The following HMG20A variants were observed in gnomAD, a reference collection of about 807,000 sequenced individuals.
The protein encoded by HMG20A is high mobility group protein 20A.
HMG20A carries 17 observed loss-of-function variants against 43.9 expected under a neutral mutation model. The observed-to-expected ratio is 0.39, with a 90% confidence interval of 0.27 to 0.58. The LOEUF is 0.58. Among genes scored for constraint, HMG20A ranks in the 20% least tolerant of loss-of-function variants. HMG20A has a pLI of 0.59. For synonymous variants in HMG20A, 132 were observed against 147.5 expected (o/e 0.89, Z 0.76); for missense variants, 341 against 438.2 (o/e 0.78, Z 1.98).
chr15:77,429,476 T>A (rs953380554), intron 1 of HMG20A, among the ~76,000 whole-genome samples: 2 of 152,202 alleles, frequency 1.3e-5, no homozygotes, highest in Admixed American at 1.3e-4. Context: ...GTTCTCTTGA[T>A]ACAAACCTTC....
At chr15:77,493,373 G>T in the HMG20A span, among the ~76,000 whole-genome samples, 1 of 152,142 alleles carries the variant, frequency 6.6e-6, no homozygotes, top group Non-Finnish European at 1.5e-5. Context: ...TGGGGATTTA[G>T]AGGAGCTGAA....
At chr15:77,496,719 G>A in the HMG20A span, among the ~76,000 whole-genome samples, 3 of 152,132 alleles carry the variant, frequency 2.0e-5, no homozygotes, top group African/African-American at 7.2e-5. Context: ...ACCAGAGGTG[G>A]TCCCGCCAAG....
At chr15:77,425,701 A>G (rs1183572530) in intron 1 of HMG20A, among the ~76,000 whole-genome samples, 1 of 152,180 alleles carries the variant, frequency 6.6e-6, no homozygotes, top group Non-Finnish European at 1.5e-5. Context: ...TGTGAGAGAT[A>G]CCCTCTGCTA....
intron 1 of HMG20A, among the ~76,000 whole-genome samples, chr15:77,437,049 TAAG>T (rs1386604822): frequency 6.6e-6 from 1 of 152,188 alleles, no homozygotes; most frequent in African/African-American, 2.4e-5. Flanking sequence ...TGGGTCCTAA[TAAG>T]CTAATTCCTC....
Position 77,478,453 on chromosome 15 carries a change from C to T in HMG20A, c.850C>T (p.His284Tyr), listed in dbSNP as rs1276076928. The T allele has an allele frequency of 6.2e-7, 1 of 1,612,178 alleles. No individual in the cohort carries two copies. Among genetic ancestry groups the T allele is most frequent in the Admixed American group, 1.7e-5 (1 of 60,010 alleles). Residue 284 changes from histidine to tyrosine, a missense_variant, in exon 8 of 10, where the codon CAC becomes TAC. Physicochemically the swap from His to Tyr is moderately conservative, Grantham distance 83. Around this residue, in one of 3 missense-constraint regions of HMG20A, gnomAD observed 118 missense variants for 154.5 expected, o/e 0.76. Transcript: ENST00000336216. ...ERSRNTVLQQ[H>Y]LETLRQVLTS... is the part of the protein sequence containing the mutation. ...GAGCCGCAACACAGTCTTACAGCAG[C>T]ACCTGGAGACCCTGCGGCAGGTGCT...
At chr15:77,498,526 C>G in the HMG20A span, among the ~76,000 whole-genome samples, 32 of 152,318 alleles carry the variant, frequency 2.1e-4, no homozygotes, top group African/African-American at 7.7e-4. Flanking sequence ...GCACCTCTGG[C>G]CCTGCTTCCC....
At chr15:77,458,548 C>A in intron 2 of HMG20A, 52 bp downstream of exon 2, 1 of 1,244,380 alleles carries the variant, frequency 8.0e-7, no homozygotes, top group Non-Finnish European at 1.2e-6. Context: ...CAAAACAAAG[C>A]TTCTAGCAAA....
intron 1 of HMG20A, among the ~76,000 whole-genome samples, chr15:77,426,748 G>C (rs183890151): frequency 6.6e-6 from 1 of 152,226 alleles, no homozygotes; most frequent in Admixed American, 6.5e-5. Context: ...TAGACTTGAA[G>C]AATAGAGAAT....
chr15:77,505,586 G>A, the HMG20A span, among the ~76,000 whole-genome samples: 2 of 152,186 alleles, frequency 1.3e-5, no homozygotes, highest in Admixed American at 6.5e-5. Context: ...CTGCTTCTCC[G>A]CATGTTCAAG....
chr15:77,438,788 T>G (rs1267079309), intron 1 of HMG20A, among the ~76,000 whole-genome samples: 9 of 152,044 alleles, frequency 5.9e-5, no homozygotes, highest in Admixed American at 5.9e-4. Flanking sequence ...AGAGAAAATG[T>G]TTTCAAGTTT....
At chr15:77,477,775 T>C in intron 7 of HMG20A, 145 bp downstream of exon 7, 1 of 602,964 alleles carries the variant, frequency 1.7e-6, no homozygotes, top group South Asian at 2.2e-5. Context: ...TAGGGCATTG[T>C]TGTCAAAGCT....
intron 1 of HMG20A, among the ~76,000 whole-genome samples, chr15:77,426,765 T>C (rs557134727): frequency 6.6e-6 from 1 of 152,198 alleles, no homozygotes; most frequent in Non-Finnish European, 1.5e-5. Flanking sequence ...GAATTTTGAA[T>C]GGAGCCAGAA....
chr15:77,431,336 C>G (rs923981466), intron 1 of HMG20A, among the ~76,000 whole-genome samples: 1 of 152,198 alleles, frequency 6.6e-6, no homozygotes, highest in East Asian at 1.9e-4. Context: ...CTCAGCCTTC[C>G]AAGTAGCTGG....
At chr15:77,518,072 C>A in the HMG20A span, among the ~76,000 whole-genome samples, 3 of 152,212 alleles carry the variant, frequency 2.0e-5, no homozygotes, top group Admixed American at 2.0e-4. Flanking sequence ...CTGGCCCCTG[C>A]CTCTGGAAAC....
intron 1 of HMG20A, among the ~76,000 whole-genome samples, chr15:77,425,854 G>T (rs1159841455): frequency 6.6e-6 from 1 of 152,116 alleles, no homozygotes; most frequent in Non-Finnish European, 1.5e-5. Flanking sequence ...AGCCTTATTT[G>T]TAAAAGGCAA....
the HMG20A span, among the ~76,000 whole-genome samples, chr15:77,501,633 A>T: frequency 6.6e-6 from 1 of 152,194 alleles, no homozygotes; most frequent in Non-Finnish European, 1.5e-5. Context: ...TCAGCTCTAG[A>T]TTCAGATATG....
At chr15:77,469,812 C>T (rs1212856698) in intron 4 of HMG20A, among the ~76,000 whole-genome samples, 3 of 152,086 alleles carry the variant, frequency 2.0e-5, no homozygotes, top group Non-Finnish European at 2.9e-5. Context: ...GGACTACAGG[C>T]GTGCACCATC....
chr15:77,485,776 AC>A (rs1027658455), downstream of HMG20A, among the ~76,000 whole-genome samples: 26 of 152,110 alleles, frequency 1.7e-4, no homozygotes, highest in African/African-American at 6.3e-4. Flanking sequence ...TACTAAAAAT[AC>A]AAAAATTAGC....
chr15:77,493,015 A>G, the HMG20A span, among the ~76,000 whole-genome samples: 2 of 152,162 alleles, frequency 1.3e-5, no homozygotes, highest in Non-Finnish European at 2.9e-5. Context: ...CCCTTTAGGC[A>G]GCTCTCCATA....
Sources: gnomAD v4.1 joint callset for allele counts (sites outside exome capture counted in the v4.1 genomes callset) on GRCh38, gnomAD v4.1.1 for gene constraint, gnomAD v4.1.1 regional missense constraint, MANE v1.5 for transcripts, NCBI Gene and HGNC (gene_info 2026-07-23, HGNC 2026-07-21) for gene names.